The following CNTNAP2 variants were observed in gnomAD, a reference collection of about 807,000 sequenced individuals.
CNTNAP2 encodes the protein contactin associated protein 2.
In CNTNAP2, 98 loss-of-function variants were observed where a neutral mutation model predicts 155.2. That is an observed-to-expected ratio of 0.63 (90% CI 0.54 to 0.75). The LOEUF (loss-of-function observed/expected upper bound fraction) is 0.75. Ranked by LOEUF, CNTNAP2 falls within the 30% of genes least tolerant of loss-of-function variation. CNTNAP2 has a pLI of 0.00. For synonymous variants in CNTNAP2, 651 were observed against 631.2 expected (o/e 1.03, Z -0.47); for missense variants, 1,727 against 1,688.1 (o/e 1.02, Z -0.40).
chr7:146,454,033 A>T (rs1796519992), intron 1 of CNTNAP2, among the ~76,000 whole-genome samples: 1 of 152,184 alleles, frequency 6.6e-6, no homozygotes, highest in Non-Finnish European at 1.5e-5. Flanking sequence ...CAAAAAAAAT[A>T]GAAGTTCAAA....
intron 1 of CNTNAP2, among the ~76,000 whole-genome samples, chr7:146,293,151 T>G (rs1445689053): frequency 6.6e-6 from 1 of 152,036 alleles, no homozygotes; most frequent in African/African-American, 2.4e-5. Flanking sequence ...AAAAAATAAA[T>G]GAAATAAAAT....
intron 21 of CNTNAP2, among the ~76,000 whole-genome samples, chr7:148,347,795 G>A (rs1385013591): frequency 6.6e-6 from 1 of 152,156 alleles, no homozygotes; most frequent in Non-Finnish European, 1.5e-5. Context: ...GCTTGTTGGT[G>A]GTGGGCGATG....
intron 1 of CNTNAP2, among the ~76,000 whole-genome samples, chr7:146,319,924 T>C (rs1391828207): frequency 6.6e-6 from 1 of 152,186 alleles, no homozygotes; most frequent in Non-Finnish European, 1.5e-5. Flanking sequence ...TTCATTCTTT[T>C]GATTTTACAC....
intron 13 of CNTNAP2, among the ~76,000 whole-genome samples, chr7:147,856,429 AT>A (rs374151353): frequency 4.2e-4 from 64 of 152,276 alleles, no homozygotes; most frequent in Middle Eastern, 3.4e-3. Flanking sequence ...GAATGAATAA[AT>A]GTGGACGGGG....
At chr7:148,253,835 G>A (rs1796413252) in intron 20 of CNTNAP2, among the ~76,000 whole-genome samples, 1 of 152,086 alleles carries the variant, frequency 6.6e-6, no homozygotes, top group Non-Finnish European at 1.5e-5. Flanking sequence ...ATCATATATA[G>A]TCATCCCACA....
intron 1 of CNTNAP2, among the ~76,000 whole-genome samples, chr7:146,296,044 G>A (rs2129087445): frequency 6.6e-6 from 1 of 152,220 alleles, no homozygotes; most frequent in Non-Finnish European, 1.5e-5. Flanking sequence ...TACAACCAAA[G>A]TCACATAGCA....
chr7:148,173,136 G>A (rs1267815597), intron 18 of CNTNAP2, among the ~76,000 whole-genome samples: 2 of 152,136 alleles, frequency 1.3e-5, no homozygotes, highest in African/African-American at 4.8e-5. Flanking sequence ...ATTCCGCAGA[G>A]CCAATGAGCA....
At chr7:146,416,088 C>T (rs1336857429) in intron 1 of CNTNAP2, among the ~76,000 whole-genome samples, 1 of 151,718 alleles carries the variant, frequency 6.6e-6, no homozygotes, top group Non-Finnish European at 1.5e-5. Context: ...TTTATTATTG[C>T]ATGAAAATGG....
chr7:146,336,176 G>T (rs2129095756), intron 1 of CNTNAP2, among the ~76,000 whole-genome samples: 1 of 150,908 alleles, frequency 6.6e-6, no homozygotes, highest in East Asian at 1.9e-4. Context: ...TCCAGCCTGG[G>T]CAACACGAGT....
intron 1 of CNTNAP2, among the ~76,000 whole-genome samples, chr7:146,730,876 A>G (rs1021090668): frequency 2.6e-5 from 4 of 152,296 alleles, no homozygotes; most frequent in Admixed American, 2.6e-4. Context: ...ACATTGATGA[A>G]TAATAATCAA....
At chr7:148,363,674 G>A (rs539134087) in intron 21 of CNTNAP2, among the ~76,000 whole-genome samples, 6 of 152,162 alleles carry the variant, frequency 3.9e-5, no homozygotes, top group Non-Finnish European at 7.3e-5. Context: ...CAGAGCCCTC[G>A]CTTGCTCTCG....
chr7:146,415,241 C>T (rs1331074205), intron 1 of CNTNAP2, among the ~76,000 whole-genome samples: 1 of 152,286 alleles, frequency 6.6e-6, no homozygotes, highest in East Asian at 1.9e-4. Context: ...CACACATACA[C>T]ACACACATAC....
Position 147,001,970 on chromosome 7 carries a change from A to G in CNTNAP2, c.403-41937A>G, listed in dbSNP as rs1171385206. Among the ~76,000 whole-genome samples the G allele has an allele frequency of 2.0e-5, 3 of 152,094 alleles. No individual in the cohort carries two copies. In the East Asian group the frequency reaches 5.8e-4, roughly 29 times the overall value. ...TAAGACATGGTAAATTAAAAATGTA[A>G]TAGGAGACATTTAAAAAAATAGTCA... On this transcript the variant is annotated intron_variant, in intron 3 of 23. Transcript: ENST00000361727.
intron 13 of CNTNAP2, among the ~76,000 whole-genome samples, chr7:147,714,763 A>G (rs1796457472): frequency 6.6e-6 from 1 of 151,612 alleles, no homozygotes; most frequent in African/African-American, 2.4e-5. Context: ...AGATATGTGT[A>G]ACCACTAATC....
chr7:148,295,090 A>G (rs1302557234), intron 21 of CNTNAP2, among the ~76,000 whole-genome samples: 1 of 152,184 alleles, frequency 6.6e-6, no homozygotes, highest in Non-Finnish European at 1.5e-5. Context: ...ACAAAACTTA[A>G]TTCTTTTAAA....
At chr7:146,165,992 T>C (rs1051673355) in intron 1 of CNTNAP2, among the ~76,000 whole-genome samples, 1 of 152,310 alleles carries the variant, frequency 6.6e-6, no homozygotes, top group African/African-American at 2.4e-5. Flanking sequence ...TACCTAATGT[T>C]TAAAATAATT....
Position 146,812,441 on chromosome 7 carries a change from A to AT in CNTNAP2, c.209-27270_209-27269insT, listed in dbSNP as rs1491292878. 3.5e-3 allele frequency among the ~76,000 whole-genome samples: 499 copies of AT among 141,434 alleles called. 4 individuals are homozygous for AT. Among genetic ancestry groups the AT allele is most frequent in the African/African-American group, 0.012 (412 of 35,186 alleles). 92.8% of individuals were successfully genotyped at this position (141,434 alleles called of 152,430 possible). ...ATTTCTTTTATATGTATATATATAT[A>AT]AAAAATATATATATATATATATTTA... On this transcript the variant is annotated intron_variant, in intron 2 of 23. Coordinates refer to ENST00000361727, the MANE Select transcript of CNTNAP2 (RefSeq NM_014141.6).
intron 3 of CNTNAP2, among the ~76,000 whole-genome samples, chr7:147,025,466 GA>G (rs1798899043): frequency 3.4e-5 from 1 of 29,614 alleles, no homozygotes; most frequent in African/African-American, 1.6e-4. Context: ...GGGAGGGGAG[GA>G]GGGGGAGGGG....
chr7:146,626,342 T>TA (rs1206922855), intron 1 of CNTNAP2, among the ~76,000 whole-genome samples: 1 of 152,278 alleles, frequency 6.6e-6, no homozygotes, highest in East Asian at 1.9e-4. Context: ...ATCAGGTTCT[T>TA]ACGCTTGTAT....
Sources: gnomAD v4.1 joint callset for allele counts (sites outside exome capture counted in the v4.1 genomes callset) on GRCh38, gnomAD v4.1.1 for gene constraint, MANE v1.5 for transcripts, NCBI Gene and HGNC (gene_info 2026-07-23, HGNC 2026-07-21) for gene names.